Variants in SNTG1 observed in about 807,000 individuals in gnomAD.
SNTG1 encodes syntrophin gamma 1, also known as gamma-1-syntrophin.
In SNTG1, 39 loss-of-function variants were observed where a neutral mutation model predicts 74.7. The ratio of observed to expected loss-of-function variants is 0.52; its 90% CI spans 0.40 to 0.68. The LOEUF is 0.68. Ranked by LOEUF, SNTG1 falls within the 30% of genes least tolerant of loss-of-function variation. The pLI, the probability that SNTG1 is intolerant of heterozygous loss-of-function variation, is 0.00. For missense variants in SNTG1, 685 were observed against 609.5 expected (o/e 1.12, Z -1.30); for synonymous variants, 254 against 217.1 (o/e 1.17, Z -1.49).
chr8:50,507,303 A>G (rs761584288), intron 9 of SNTG1, among the ~76,000 whole-genome samples: 13 of 151,870 alleles, frequency 8.6e-5, no homozygotes, highest in Non-Finnish European at 1.6e-4. Context: ...TTTTTGTAGT[A>G]TCTTTGCTTG....
rs57729950 is a variant in SNTG1 at position 50,114,461 on chromosome 8, G to T, written c.-102-58100G>T. On this transcript the variant is annotated intron_variant, in intron 1 of 18. Transcript: ENST00000642720. ...ATGCTGTACAATATCACTTATTTGA[G>T]AAATTTTAAAAAGTCAAACCCATAG... 1.2e-4 allele frequency among the ~76,000 whole-genome samples: 18 copies of T among 152,262 alleles called. No individual in the cohort carries two copies. In the East Asian group the frequency reaches 3.3e-3, roughly 28 times the overall value.
At chr8:49,980,304 A>G (rs1235262381) in intron 1 of SNTG1, among the ~76,000 whole-genome samples, 1 of 152,110 alleles carries the variant, frequency 6.6e-6, no homozygotes, top group East Asian at 1.9e-4. Context: ...TTGGCCCAGT[A>G]GCCATTCTCC....
At chr8:49,925,010 G>A (rs956668070) in intron 1 of SNTG1, among the ~76,000 whole-genome samples, 2 of 151,864 alleles carry the variant, frequency 1.3e-5, no homozygotes, top group East Asian at 3.9e-4. Context: ...GTAATTATCC[G>A]GATGTGGTGG....
chr8:50,325,615 C>T (rs988344895), intron 2 of SNTG1, among the ~76,000 whole-genome samples: 1 of 151,950 alleles, frequency 6.6e-6, no homozygotes, highest in African/African-American at 2.4e-5. Context: ...GTTATTTTGT[C>T]AATTATAGTA....
At chr8:50,601,235 C>T (rs28875896) in intron 13 of SNTG1, among the ~76,000 whole-genome samples, 30,004 of 134,070 alleles carry the variant, frequency 0.22, 7,189 homozygotes, top group African/African-American at 0.59. Context: ...GTTTGTTTGG[C>T]TTTGTTTTTT....
chr8:50,685,353 G>A (rs567993822), intron 15 of SNTG1, among the ~76,000 whole-genome samples: 1 of 152,216 alleles, frequency 6.6e-6, no homozygotes, highest in Non-Finnish European at 1.5e-5. Flanking sequence ...GTGTCCAGGA[G>A]TTTATCCATT....
chr8:50,684,615 A>T (rs944617143), intron 15 of SNTG1, among the ~76,000 whole-genome samples: 8 of 152,150 alleles, frequency 5.3e-5, no homozygotes, highest in Non-Finnish European at 1.2e-4. Flanking sequence ...AAAGGGTTTT[A>T]ATGATAATTA....
At chr8:50,429,453 C>G (rs73581355) in intron 4 of SNTG1, among the ~76,000 whole-genome samples, 1 of 152,010 alleles carries the variant, frequency 6.6e-6, no homozygotes, top group Non-Finnish European at 1.5e-5. Context: ...AATTTTGAAC[C>G]CTACCTCACA....
At chr8:50,669,848 C>G (rs1262046217) in intron 15 of SNTG1, among the ~76,000 whole-genome samples, 1 of 152,168 alleles carries the variant, frequency 6.6e-6, no homozygotes. Context: ...CCACCATGAT[C>G]AAGTGGGCTT....
chr8:50,728,096 T>G (rs1054923470), intron 17 of SNTG1, among the ~76,000 whole-genome samples: 1 of 152,118 alleles, frequency 6.6e-6, no homozygotes, highest in Admixed American at 6.5e-5. Context: ...CTGTCCTAAA[T>G]CCACCTCTTC....
At chr8:50,665,995 C>A (rs1332952041) in intron 15 of SNTG1, among the ~76,000 whole-genome samples, 1 of 152,020 alleles carries the variant, frequency 6.6e-6, no homozygotes. Context: ...AGCAACACAT[C>A]AAAAATTATG....
At chr8:49,939,801 T>C (rs1308984997) in intron 1 of SNTG1, among the ~76,000 whole-genome samples, 1 of 152,182 alleles carries the variant, frequency 6.6e-6, no homozygotes, top group Non-Finnish European at 1.5e-5. Flanking sequence ...CTAGAAAGCA[T>C]TGGGTTTCAG....
At chr8:50,307,945 C>T (rs943277980) in intron 2 of SNTG1, among the ~76,000 whole-genome samples, 1 of 152,044 alleles carries the variant, frequency 6.6e-6, no homozygotes, top group African/African-American at 2.4e-5. Context: ...TGGATCTGTT[C>T]TAACATTTCA....
intron 1 of SNTG1, among the ~76,000 whole-genome samples, chr8:49,924,976 C>T (rs1283888943): frequency 2.0e-5 from 3 of 151,434 alleles, no homozygotes; most frequent in South Asian, 4.2e-4. Context: ...AAAGTGAGAC[C>T]CCCCCATCAC....
chr8:49,972,585 C>T (rs1401029183), intron 1 of SNTG1, among the ~76,000 whole-genome samples: 1 of 151,892 alleles, frequency 6.6e-6, no homozygotes, highest in Non-Finnish European at 1.5e-5. Context: ...AGGCAACCTA[C>T]AGAGTGGAAG....
chr8:50,341,121 G>A (rs1384709163), intron 2 of SNTG1, among the ~76,000 whole-genome samples: 3 of 151,920 alleles, frequency 2.0e-5, no homozygotes, highest in Non-Finnish European at 4.4e-5. Context: ...TTGGCCAACT[G>A]TAGGCAATGC....
At chr8:50,619,477 A>G (rs2094906431) in intron 13 of SNTG1, among the ~76,000 whole-genome samples, 1 of 152,170 alleles carries the variant, frequency 6.6e-6, no homozygotes, top group African/African-American at 2.4e-5. Flanking sequence ...CACGCCTGTA[A>G]TCCCAGCTCT....
intron 16 of SNTG1, 52 bp from the exon 17 acceptor site, chr8:50,708,834 T>C: frequency 8.4e-7 from 1 of 1,195,784 alleles, no homozygotes; most frequent in Non-Finnish European, 1.2e-6. Flanking sequence ...GTTCATAATA[T>C]TGATATTGCA....
intron 2 of SNTG1, among the ~76,000 whole-genome samples, chr8:50,361,903 A>T (rs937826330): frequency 2.0e-5 from 3 of 152,168 alleles, no homozygotes; most frequent in Non-Finnish European, 4.4e-5. Flanking sequence ...AAATACAGTA[A>T]AAGTGTAGTA....
Sources: gnomAD v4.1 joint callset for allele counts (sites outside exome capture counted in the v4.1 genomes callset) on GRCh38, gnomAD v4.1.1 for gene constraint, MANE v1.5 for transcripts, NCBI Gene and HGNC (gene_info 2026-07-23, HGNC 2026-07-21) for gene names.